Variants in CHL1 observed in about 807,000 individuals in gnomAD.
CHL1 encodes the protein cell adhesion molecule L1 like.
CHL1 carries 96 observed loss-of-function variants against 141.9 expected under a neutral mutation model. The observed-to-expected ratio is 0.68, with a 90% CI of 0.57 to 0.80. The LOEUF is 0.80. Among genes scored for constraint, CHL1 ranks in the 30% least tolerant of loss-of-function variants. The pLI, the probability that CHL1 is intolerant of heterozygous loss-of-function variation, is 0.00. For missense variants in CHL1, 1,820 were observed against 1,457.2 expected (o/e 1.25, Z -4.05); for synonymous variants, 613 against 502.2 (o/e 1.22, Z -2.95).
intron 2 of CHL1, among the ~76,000 whole-genome samples, chr3:260,731 C>G (rs1480728841): frequency 6.6e-6 from 1 of 152,158 alleles, no homozygotes; most frequent in African/African-American, 2.4e-5. Flanking sequence ...AAGAAAAAGT[C>G]TACATAAAAA....
chr3:275,736 G>A (rs1696036185), intron 2 of CHL1, among the ~76,000 whole-genome samples: 1 of 152,090 alleles, frequency 6.6e-6, no homozygotes, highest in Admixed American at 6.5e-5. Context: ...TCTATAATGA[G>A]AAATCTTTAT....
intron 2 of CHL1, among the ~76,000 whole-genome samples, chr3:308,066 A>G (rs564397686): frequency 1.3e-5 from 2 of 152,312 alleles, no homozygotes; most frequent in South Asian, 4.2e-4. Context: ...TTATTGTGAG[A>G]AGCCCAGCAA....
Position 328,368 on chromosome 3 carries a change from C to T in CHL1, c.385+14C>T, listed in dbSNP as rs62227239. 208,385 of 1,585,742 alleles carry T rather than the reference C, an allele frequency of 0.13. 17,089 individuals are homozygous for T. Among genetic ancestry groups the T allele is most frequent in the African/African-American group, 0.39 (28,371 of 73,682 alleles). ...TTATAGTTCCAAGTAAGTACTATAA[C>T]GGGAATTTCATTTTACAAGTGTTTT... On this transcript the variant is annotated intron_variant, in intron 5 of 27. Coordinates refer to ENST00000256509, the MANE Select transcript of CHL1 (RefSeq NM_006614.4).
chr3:225,950 A>G (rs1286450461), intron 1 of CHL1, among the ~76,000 whole-genome samples: 1 of 151,454 alleles, frequency 6.6e-6, no homozygotes, highest in Non-Finnish European at 1.5e-5. Context: ...CGGAGCTTGC[A>G]GTGAGCCGAG....
Position 328,283 on chromosome 3 carries a change from G to C in CHL1, c.314G>C (p.Gly105Ala). 6.2e-7 allele frequency: 1 copy of C among 1,612,348 alleles called. No homozygotes were observed. The highest frequency in any genetic ancestry group is 8.5e-7 in the Non-Finnish European group (1 of 1,178,914). Residue 105 changes from glycine to alanine, a missense_variant, in exon 5 of 28, where the codon GGG (glycine) becomes GCG (alanine). Gly to Ala is a moderately conservative substitution (Grantham distance 60). Coordinates refer to ENST00000256509, the MANE Select transcript of CHL1 (RefSeq NM_006614.4). ...PNEGHISHFQ[G>A]KYRCFASNKL... ...GAGGGGCACATATCTCACTTTCAAG[G>C]GAAATACCGCTGCTTTGCTTCAAAT...
At chr3:345,268 G>A (rs942234053) in intron 9 of CHL1, among the ~76,000 whole-genome samples, 1 of 151,822 alleles carries the variant, frequency 6.6e-6, no homozygotes, top group East Asian at 1.9e-4. Flanking sequence ...CCCCACTCCT[G>A]TTTGCTATGT....
intron 10 of CHL1, among the ~76,000 whole-genome samples, chr3:352,811 C>A (rs1172124907): frequency 6.6e-6 from 1 of 152,210 alleles, no homozygotes; most frequent in African/African-American, 2.4e-5. Flanking sequence ...ATGCTCAGAA[C>A]TTCTTGAGTC....
chr3:376,312 T>A, intron 15 of CHL1: 1 of 480,812 alleles, frequency 2.1e-6, no homozygotes, highest in Non-Finnish European at 4.1e-6. Context: ...GATTTTGACA[T>A]GTGACAGAAT....
intron 19 of CHL1, among the ~76,000 whole-genome samples, chr3:386,307 A>C (rs1178737987): frequency 6.6e-6 from 1 of 151,932 alleles, no homozygotes; most frequent in Non-Finnish European, 1.5e-5. Flanking sequence ...TTATTTGTTT[A>C]TGTTTTACAT....
chr3:394,572 A>G (rs1708511511), intron 23 of CHL1, 121 bp from the exon 24 acceptor site: 2 of 696,472 alleles, frequency 2.9e-6, no homozygotes, highest in Non-Finnish European at 4.9e-6. Flanking sequence ...AAATGAGTTG[A>G]TGGTTATGAA....
chr3:269,480 C>T (rs1695447175), intron 2 of CHL1, among the ~76,000 whole-genome samples: 2 of 152,080 alleles, frequency 1.3e-5, no homozygotes, highest in East Asian at 3.8e-4. Context: ...CGCCTTTCAG[C>T]CCAGGTGGGG....
chr3:215,396 C>T (rs1700231992), intron 1 of CHL1, among the ~76,000 whole-genome samples: 3 of 151,958 alleles, frequency 2.0e-5, no homozygotes, highest in Non-Finnish European at 2.9e-5. Flanking sequence ...TTAGTGACTC[C>T]GGAATGTATC....
chr3:334,949 A>C (rs162586), intron 5 of CHL1, among the ~76,000 whole-genome samples: 1 of 152,220 alleles, frequency 6.6e-6, no homozygotes, highest in Non-Finnish European at 1.5e-5. Flanking sequence ...AAAAGAATGA[A>C]TAAAAGTAAC....
intron 1 of CHL1, among the ~76,000 whole-genome samples, chr3:238,719 G>C (rs904098532): frequency 4.0e-5 from 6 of 151,846 alleles, no homozygotes; most frequent in African/African-American, 1.2e-4. Context: ...GAGGTCAGGA[G>C]TTCGAGACCA....
At chr3:350,800 T>G (rs1401082310) in intron 10 of CHL1, among the ~76,000 whole-genome samples, 2 of 152,194 alleles carry the variant, frequency 1.3e-5, no homozygotes, top group Non-Finnish European at 2.9e-5. Context: ...AAAGCAAAAC[T>G]TATATAGATA....
At chr3:289,790 ATCTTAT>A (rs1194793876) in intron 2 of CHL1, among the ~76,000 whole-genome samples, 1 of 150,596 alleles carries the variant, frequency 6.6e-6, no homozygotes, top group East Asian at 1.9e-4. Context: ...GATTTAATAC[ATCTTAT>A]TTAATACATA....
intron 23 of CHL1, 92 bp from the exon 24 acceptor site, chr3:394,601 G>A (rs775526067): frequency 5.2e-5 from 46 of 888,924 alleles, no homozygotes; most frequent in South Asian, 8.4e-5. Flanking sequence ...GTATCTTTAC[G>A]TACCACAAGC....
chr3:405,903 A>T lies in CHL1; in HGVS notation c.*192A>T. ...ATAAAATGCCAAGCACTTCAGGCCT[A>T]TGTTTTGCTTATATTGTTTTCAGGT... On this transcript the variant is annotated 3_prime_UTR_variant, in exon 28 of 28. Transcript: ENST00000256509. 2 of 534,674 alleles carry T rather than the reference A, an allele frequency of 3.7e-6. No homozygotes were observed. The highest frequency in any genetic ancestry group is 4.5e-5 in the South Asian group (2 of 44,330). 33.1% of individuals were successfully genotyped at this position (534,674 alleles called of 1,614,324 possible).
intron 2 of CHL1, among the ~76,000 whole-genome samples, chr3:317,880 T>G (rs1307216618): frequency 6.6e-6 from 1 of 151,892 alleles, no homozygotes; most frequent in Non-Finnish European, 1.5e-5. Flanking sequence ...AGAAGAGTAG[T>G]GTCAATTAAC....
Sources: gnomAD v4.1 joint callset for allele counts (sites outside exome capture counted in the v4.1 genomes callset) on GRCh38, gnomAD v4.1.1 for gene constraint, MANE v1.5 for transcripts, NCBI Gene and HGNC (gene_info 2026-07-23, HGNC 2026-07-21) for gene names.